The following PLXNB1 variants were observed in gnomAD, a reference collection of about 807,000 sequenced individuals.
The protein encoded by PLXNB1 is plexin B1, also known as plexin-B1.
Under a neutral mutation model 209.4 loss-of-function variants are expected in PLXNB1, and 106 were observed. The ratio of observed to expected loss-of-function variants is 0.51; its 90% CI spans 0.43 to 0.59. PLXNB1 has a LOEUF of 0.59. Among genes scored for constraint, PLXNB1 ranks in the 20% least tolerant of loss-of-function variants. The pLI, the probability that PLXNB1 is intolerant of heterozygous loss-of-function variation, is 0.00. For missense variants in PLXNB1, 2,357 were observed against 2,853.2 expected (o/e 0.83, Z 3.96); for synonymous variants, 1,167 against 1,183.2 (o/e 0.99, Z 0.28).
rs199748375 is a variant in PLXNB1, at chr3:48,420,964, G to A, written c.1811-8C>T. On this transcript the variant is annotated splice_region_variant and splice_polypyrimidine_tract_variant and intron_variant, in intron 8 of 37. Coordinates refer to ENST00000296440, the MANE Select transcript of PLXNB1 (RefSeq NM_001130082.3). Reference sequence around the variant, plus strand: ...CGCTCACGGATACGTAGTCTGCAGAGGGGGAGAGAGGGCCAGGGTTAAGCA... The same window carrying A: ...CGCTCACGGATACGTAGTCTGCAGAAGGGGAGAGAGGGCCAGGGTTAAGCA... 2.1e-5 allele frequency: 34 copies of A among 1,605,030 alleles called. No homozygotes were observed. In the Admixed American group the frequency reaches 4.7e-4, roughly 22 times the overall value.
At chr3:48,412,327 T>C in intron 26 of PLXNB1, 23 bp from the exon 27 acceptor site, 1 of 1,613,582 alleles carries the variant, frequency 6.2e-7, no homozygotes, top group Non-Finnish European at 8.5e-7. Flanking sequence ...GAAAGGGGAG[T>C]GCCAGGGTCA....
In PLXNB1 at chr3:48,423,552, C is replaced by A. The variant is rs2038673995; in HGVS notation, c.1060G>T (p.Ala354Ser). Reference sequence around the variant, plus strand: ...GAATTGACATCATACTCGATGTAGGCCACCTCGGTCCCATCCTCAGCACGA... The same window carrying A: ...GAATTGACATCATACTCGATGTAGGACACCTCGGTCCCATCCTCAGCACGA... ...EGRAEDGTEV[A>S]YIEYDVNSDC... The change falls in exon 3 of 38, where the codon GCC becomes TCC. Residue 354 changes from alanine (A) to serine (S), a missense_variant. Coordinates refer to ENST00000296440, the MANE Select transcript of PLXNB1 (RefSeq NM_001130082.3). 1.2e-6 allele frequency: 2 copies of A among 1,614,200 alleles called. No homozygotes were observed. Among genetic ancestry groups the A allele is most frequent in the African/African-American group, 1.3e-5 (1 of 75,052 alleles).
rs970819766 is a variant in PLXNB1, at chr3:48,410,610, A to G, written c.5417-52T>C. The G allele has an allele frequency of 2.1e-6, 3 of 1,450,714 alleles. No individual in the cohort carries two copies. Among genetic ancestry groups the G allele is most frequent in the Non-Finnish European group, 1.9e-6 (2 of 1,034,948 alleles). The allele number at this position is 1,450,714 out of a possible 1,614,324, so 89.9% of individuals were successfully genotyped here. On this transcript the variant is annotated intron_variant, in intron 29 of 37. Transcript: ENST00000296440. The surrounding 1 kb of genome is among the most constrained non-coding windows in gnomAD (Gnocchi z 6.4). ...CAGGGCTGGAAGATACCCTTCCCAT[A>G]GTGGAGCCCATCTCCTCCTCCACAG...
In PLXNB1 at chr3:48,406,903, C is replaced by G. The variant is rs1442766889; in HGVS notation, c.6153-5G>C. On this transcript the variant is annotated splice_polypyrimidine_tract_variant and splice_region_variant and intron_variant, in intron 35 of 37. Coordinates refer to ENST00000296440, the MANE Select transcript of PLXNB1 (RefSeq NM_001130082.3). The surrounding 1 kb of genome is among the most constrained non-coding windows in gnomAD (Gnocchi z 4.4). The stretch of plus-strand genomic sequence containing the variant: ...TGTCTGATGTCTGCATAGTACCTGC[C>G]AGAGAGCCAGGGCACAGCAGCTGCT... 6.2e-7 allele frequency: 1 copy of G among 1,613,122 alleles called. No homozygotes were observed.
Position 48,410,751 on chromosome 3 carries a change from T to C in PLXNB1, c.5416+117A>G. 8.9e-7 allele frequency: 1 copy of C among 1,117,444 alleles called. No homozygotes were observed. Among genetic ancestry groups the C allele is most frequent in the Non-Finnish European group, 1.3e-6 (1 of 783,472 alleles). The allele number at this position is 1,117,444 out of a possible 1,614,324, so 69.2% of individuals were successfully genotyped here. ...AGAAAGATGTTCCAAAGCCAGCTTC[T>C]GCCTGCCTCCCAGCATCCTCCCCAC... is the stretch of plus-strand genomic sequence containing the variant. On this transcript the variant is annotated intron_variant, in intron 29 of 37. Coordinates refer to ENST00000296440, the MANE Select transcript of PLXNB1 (RefSeq NM_001130082.3). The surrounding 1 kb of genome is among the most constrained non-coding windows in gnomAD (Gnocchi z 6.4).
chr3:48,410,196 G>A lies in PLXNB1; in HGVS notation c.5605+100C>T. On this transcript the variant is annotated intron_variant, in intron 31 of 37. Transcript: ENST00000296440. This position sits in a 1 kb window ranked among gnomAD's most constrained non-coding sequence, Gnocchi z 6.4. ...GGTTGAGGGATTTCCTGGGCCGAAT[G>A]GAAATAGGCACAAGCCTGCCCTGAG... is the stretch of plus-strand genomic sequence containing the variant. The A allele has an allele frequency of 1.4e-6, 2 of 1,451,516 alleles. No homozygotes were observed. Among genetic ancestry groups the A allele is most frequent in the Non-Finnish European group, 1.9e-6 (2 of 1,072,790 alleles). The allele number at this position is 1,451,516 out of a possible 1,614,324, so 89.9% of individuals were successfully genotyped here.
chr3:48,415,276 A>C lies in PLXNB1; in HGVS notation c.3866T>G (p.Val1289Gly), dbSNP rs777336486. ...GCTGGGCTGCAGCATTCTCGAGACC[A>C]CGGTCACCCGGATTCTTGGCGTCTG... ...VVQTPRIRVT[V>G]VSRMLQPSQG... The change falls in exon 20 of 38, where the codon GTG becomes GGG. Residue 1289 changes from valine to glycine, a missense_variant. This residue lies in a region of PLXNB1 where 743 missense variants were observed against 896.2 expected (regional missense o/e 0.83). Coordinates refer to ENST00000296440, the MANE Select transcript of PLXNB1 (RefSeq NM_001130082.3). This position sits in a 1 kb window ranked among gnomAD's most constrained non-coding sequence, Gnocchi z 5.0. 1 of 1,613,430 alleles carries C rather than the reference A, an allele frequency of 6.2e-7. No individual in the cohort carries two copies. Among genetic ancestry groups the C allele is most frequent in the Non-Finnish European group, 8.5e-7 (1 of 1,180,016 alleles).
Position 48,413,984 on chromosome 3 carries a change from G to A in PLXNB1, c.4297C>T (p.His1433Tyr), listed in dbSNP as rs187964377. 104 of 1,613,704 alleles carry A rather than the reference G, an allele frequency of 6.4e-5. No homozygotes were observed. The East Asian group carries it at 2.2e-3, about 34-fold the overall frequency. Residue 1433 changes from histidine (H) to tyrosine (Y), a missense_variant, in exon 22 of 38, where the codon CAC becomes TAC. Transcript: ENST00000296440. The surrounding 1 kb of genome is among the most constrained non-coding windows in gnomAD (Gnocchi z 5.4). Reference sequence around the variant, plus strand: ...ACGGGGGGCTCGCAGTACAGGTGGTGCCGCGTCAGCGTCTTCACCACACAG... The same window carrying A: ...ACGGGGGGCTCGCAGTACAGGTGGTACCGCGTCAGCGTCTTCACCACACAG... ...GPCVVKTLTR[H>Y]HLYCEPPVEQ...
chr3:48,422,078 G>C (rs1340121232), intron 6 of PLXNB1, 27 bp downstream of exon 6: 1 of 1,582,966 alleles, frequency 6.3e-7, no homozygotes, highest in Non-Finnish European at 8.7e-7. Context: ...CTTGAGGCTG[G>C]GGCTGGGATG....
In PLXNB1 at chr3:48,424,306, C is replaced by G; in HGVS notation, c.306G>C (p.Leu102=). 1 of 1,567,064 alleles carries G rather than the reference C, an allele frequency of 6.4e-7. No homozygotes were observed. Among genetic ancestry groups the G allele is most frequent in the Non-Finnish European group, 8.7e-7 (1 of 1,155,696 alleles). ...ATACCACCAGGGCCCCTGGGCTCACCAGGAGCAGCTGATTCGGGTTGTTGG... is the reference window on the plus strand; with the variant it reads ...ATACCACCAGGGCCCCTGGGCTCACGAGGAGCAGCTGATTCGGGTTGTTGG... ...QPTNNPNQLL[L]VSPGALVVCG... is the part of the protein sequence containing the mutation. Residue 102 remains leucine, a synonymous_variant, in exon 3 of 38, where the codon CTG becomes CTC. Coordinates refer to ENST00000296440, the MANE Select transcript of PLXNB1 (RefSeq NM_001130082.3).
rs772409458 is a variant in PLXNB1 at position 48,419,992 on chromosome 3, T to C, written c.2294A>G (p.Gln765Arg). ...LHEEPSPPSP[Q>R]NGPGTAVPAP... ...AGGGACAGCGGTTCCAGGTCCATTT[T>C]GGGGGCTGGGAGGGGAGGGCTCCTC... Residue 765 changes from glutamine (Q) to arginine (R), a missense_variant, in exon 11 of 38, where the codon CAA becomes CGA. Physicochemically the swap from Gln to Arg is conservative, Grantham distance 43 (BLOSUM62 1). Coordinates refer to ENST00000296440, the MANE Select transcript of PLXNB1 (RefSeq NM_001130082.3). The surrounding 1 kb of genome is among the most constrained non-coding windows in gnomAD (Gnocchi z 5.7). 1.3e-6 allele frequency: 2 copies of C among 1,578,760 alleles called. No individual in the cohort carries two copies. The highest frequency in any genetic ancestry group is 3.4e-5 in the Admixed American group (2 of 58,354).
In PLXNB1 at chr3:48,405,706, G is replaced by A. The variant is rs1168524045; in HGVS notation, c.6303+18C>T. 6.2e-7 allele frequency: 1 copy of A among 1,606,742 alleles called. No individual in the cohort carries two copies. Among genetic ancestry groups the A allele is most frequent in the Admixed American group, 1.7e-5 (1 of 59,934 alleles). On this transcript the variant is annotated intron_variant, in intron 37 of 37. Transcript: ENST00000296440. This position sits in a 1 kb window ranked among gnomAD's most constrained non-coding sequence, Gnocchi z 5.0. Reference sequence around the variant, plus strand: ...GGCCTTGGGTCAGCCTCCCAGTCGGGGTCCAGGGCCTGCCCACCTGGTCAT... The same window carrying A: ...GGCCTTGGGTCAGCCTCCCAGTCGGAGTCCAGGGCCTGCCCACCTGGTCAT...
Position 48,415,177 on chromosome 3 carries a change from T to C in PLXNB1, c.3965A>G (p.Gln1322Arg). 6.2e-7 allele frequency: 1 copy of C among 1,610,938 alleles called. No individual in the cohort carries two copies. The highest frequency in any genetic ancestry group is 8.5e-7 in the Non-Finnish European group (1 of 1,177,854). ...CSLGPSCSSQ[Q>R]FEEPCHVNSS... is the part of the protein sequence containing the mutation. ...TGGGGGTACCCAAGGGTGTCCTACT[T>C]GCTGGCTACTGCAGGAGGGTCCAAG... The change falls in exon 20 of 38, where the codon CAA (glutamine) becomes CGA (arginine). Residue 1322 changes from glutamine (Q) to arginine (R), a missense_variant and splice_region_variant. By Grantham distance (43) the Gln-to-Arg change is conservative. This residue lies in a region of PLXNB1 where 743 missense variants were observed against 896.2 expected (regional missense o/e 0.83). Coordinates refer to ENST00000296440, the MANE Select transcript of PLXNB1 (RefSeq NM_001130082.3). This position sits in a 1 kb window ranked among gnomAD's most constrained non-coding sequence, Gnocchi z 5.0.
rs2037548310 is a variant in PLXNB1 at position 48,409,825 on chromosome 3, C to G, written c.5778+80G>C. On this transcript the variant is annotated intron_variant, in intron 32 of 37. Transcript: ENST00000296440. This position sits in a 1 kb window ranked among gnomAD's most constrained non-coding sequence, Gnocchi z 5.8. ...CCCCCCGGCACTGTGCCTGCACGAG[C>G]CCCACACCACCCCCAAATCCCACGA... The G allele has an allele frequency of 1.3e-6, 2 of 1,573,608 alleles. No individual in the cohort carries two copies. Among genetic ancestry groups the G allele is most frequent in the Non-Finnish European group, 8.7e-7 (1 of 1,153,712 alleles).
At chr3:48,426,630 C>T (rs2107020391) in intron 1 of PLXNB1, among the ~76,000 whole-genome samples, 1 of 152,328 alleles carries the variant, frequency 6.6e-6, no homozygotes, top group African/African-American at 2.4e-5. Context: ...GACACTGTGG[C>T]CACAGCCCGG....
Position 48,429,006 on chromosome 3 carries a change from C to A in PLXNB1, c.-60+1002G>T, listed in dbSNP as rs1011973841. ...CCTGGGAGGGCGGGGAAGGGGCCGG[C>A]CGGTCCCCGGCGGCGACGGCGAGGA... On this transcript the variant is annotated intron_variant, in intron 1 of 37. Coordinates refer to ENST00000296440, the MANE Select transcript of PLXNB1 (RefSeq NM_001130082.3). This position sits in a 1 kb window ranked among gnomAD's most constrained non-coding sequence, Gnocchi z 6.4. Among the ~76,000 whole-genome samples the A allele has an allele frequency of 2.6e-5, 4 of 152,216 alleles. No individual in the cohort carries two copies. Among genetic ancestry groups the A allele is most frequent in the Non-Finnish European group, 4.4e-5 (3 of 68,028 alleles).
chr3:48,405,833 G>A lies in PLXNB1; in HGVS notation c.6229-35C>T, dbSNP rs369125634. 1.9e-5 allele frequency: 30 copies of A among 1,566,928 alleles called. No individual in the cohort carries two copies. Among genetic ancestry groups the A allele is most frequent in the East Asian group, 1.3e-4 (6 of 44,566 alleles). ...AGGCCAAATGAAAGGTGAGAGAGAC[G>A]AGGGGTGCAGAGAGCCACAGGAGGC... On this transcript the variant is annotated intron_variant, in intron 36 of 37. Transcript: ENST00000296440. The surrounding 1 kb of genome is among the most constrained non-coding windows in gnomAD (Gnocchi z 5.0).
In PLXNB1 at chr3:48,409,905, C is replaced by T. The variant is rs1310732568; in HGVS notation, c.5778G>A (p.Lys1926=). 6.2e-7 allele frequency: 1 copy of T among 1,609,576 alleles called. No homozygotes were observed. The highest frequency in any genetic ancestry group is 8.5e-7 in the Non-Finnish European group (1 of 1,178,208). The change falls in exon 32 of 38, where the codon AAG becomes AAA. Residue 1926 remains lysine (K), a splice_region_variant and synonymous_variant. Coordinates refer to ENST00000296440, the MANE Select transcript of PLXNB1 (RefSeq NM_001130082.3). The surrounding 1 kb of genome is among the most constrained non-coding windows in gnomAD (Gnocchi z 5.8). The part of the protein sequence containing the change: ...EIYLTRLLSM[K]GTLQKFVDDL... ...CACTACCTTGGCAGCCCCACCCCAC[C>T]TTCATGGACAGCAGGCGGGTCAGGT... is the stretch of plus-strand genomic sequence containing the variant.
intron 10 of PLXNB1, 44 bp downstream of exon 10, chr3:48,420,621 A>AC: frequency 6.7e-7 from 1 of 1,489,752 alleles, no homozygotes; most frequent in Non-Finnish European, 9.4e-7. Flanking sequence ...TCACACTGGG[A>AC]CCCCCAACCC....
Sources: allele counts gnomAD v4.1 joint callset (sites outside exome capture counted in the v4.1 genomes callset), GRCh38; gene constraint gnomAD v4.1.1; regional missense constraint gnomAD v4.1.1; non-coding constraint Gnocchi (gnomAD v3.1); transcripts MANE v1.5; gene names NCBI Gene and HGNC (gene_info 2026-07-23, HGNC 2026-07-21).